The following SGSM3 variants were observed in gnomAD, a reference collection of about 807,000 sequenced individuals.
The protein encoded by SGSM3 is RUN and SH3 containing 3.
SGSM3 carries 96 observed loss-of-function variants against 100.5 expected under a neutral mutation model. The ratio of observed to expected loss-of-function variants is 0.96; its 90% confidence interval spans 0.81 to 1.13. The LOEUF is 1.13. SGSM3 is among the 50% of genes most tolerant of loss of function. The pLI, the probability that SGSM3 is intolerant of heterozygous loss-of-function variation, is 0.00. For missense variants in SGSM3, 1,001 were observed against 1,015.8 expected (o/e 0.99, Z 0.20); for synonymous variants, 483 against 422.8 (o/e 1.14, Z -1.75).
Position 40,409,692 on chromosome 22 carries a change from C to G in SGSM3, c.2183C>G (p.Pro728Arg). The change falls in exon 22 of 22, where the codon CCC becomes CGC. Residue 728 changes from proline to arginine, a missense_variant. Transcript: ENST00000248929. ...CTGCCCTGTTTGCAGGCGCAGCAGC[C>G]CCTGAAGGAGGGCGTCCGGGACATG... Reference protein sequence around the residue: ...ELPAKREAQQPLKEGVRDMLV... With the variant: ...ELPAKREAQQRLKEGVRDMLV... 6.2e-7 allele frequency: 1 copy of G among 1,613,368 alleles called. No individual in the cohort carries two copies. Among genetic ancestry groups the G allele is most frequent in the South Asian group, 1.1e-5 (1 of 91,060 alleles).
At chr22:40,396,003 AGGAGAAAAACCAG>A (rs574581024) in intron 1 of SGSM3, among the ~76,000 whole-genome samples, 1 of 152,340 alleles carries the variant, frequency 6.6e-6, no homozygotes, top group East Asian at 1.9e-4. Flanking sequence ...ATAGGCGCCA[AGGAGAAAAACCAG>A]GAAGAAAACC....
chr22:40,407,221 C>T lies in SGSM3; in HGVS notation c.1261C>T (p.Leu421Phe), dbSNP rs2051702623. The change falls in exon 12 of 22, where the codon CTC (leucine) becomes TTC (phenylalanine). Residue 421 changes from leucine to phenylalanine, a missense_variant. By Grantham distance (22) the Leu-to-Phe change is conservative. Coordinates refer to ENST00000248929, the MANE Select transcript of SGSM3 (RefSeq NM_015705.6). This position sits in a 1 kb window ranked among gnomAD's most constrained non-coding sequence, Gnocchi z 4.7. ...LLFGEDDLEA[L>F]KAKNIKQTEL... Reference sequence around the variant, plus strand: ...CCTAGGGGAGGATGACCTGGAGGCACTCAAGGCCAAGAACATCAAGCAGAC... The same window carrying T: ...CCTAGGGGAGGATGACCTGGAGGCATTCAAGGCCAAGAACATCAAGCAGAC... 3 of 1,613,548 alleles carry T rather than the reference C, an allele frequency of 1.9e-6. No individual in the cohort carries two copies. The highest frequency in any genetic ancestry group is 1.6e-4 in the Middle Eastern group (1 of 6,084).
rs183672849 is a variant in SGSM3, at chr22:40,400,962, T to C, written c.7+149T>C. On this transcript the variant is annotated intron_variant, in intron 2 of 21. Transcript: ENST00000248929. ...GGCTTCTGGCTGGCTGAGAAAGTTA[T>C]TAAAACTTCCTTCTCAGCTCTGCTC... is the stretch of plus-strand genomic sequence containing the variant. 62 of 757,726 alleles carry C rather than the reference T, an allele frequency of 8.2e-5. No homozygotes were observed. In the East Asian group the frequency reaches 1.8e-3, roughly 22 times the overall value. The allele number at this position is 757,726 out of a possible 1,614,324, so 46.9% of individuals were successfully genotyped here.
chr22:40,381,420 A>G (rs2047564960), intron 1 of SGSM3, among the ~76,000 whole-genome samples: 1 of 152,198 alleles, frequency 6.6e-6, no homozygotes, highest in Non-Finnish European at 1.5e-5. Flanking sequence ...AAGTGCTGGG[A>G]TAAGAGGAAT....
intron 1 of SGSM3, chr22:40,387,492 TA>T (rs1199728475): frequency 3.2e-6 from 1 of 313,264 alleles, no homozygotes; most frequent in Non-Finnish European, 5.8e-6. Flanking sequence ...TTAGGTGCCC[TA>T]ATCTCCTATG....
intron 1 of SGSM3, among the ~76,000 whole-genome samples, chr22:40,379,195 G>A (rs2047154622): frequency 6.6e-6 from 1 of 152,128 alleles, no homozygotes; most frequent in Non-Finnish European, 1.5e-5. Flanking sequence ...TCTATTTTGA[G>A]CACTTCTGTG....
At chr22:40,375,689 A>C (rs548520468) in intron 1 of SGSM3, among the ~76,000 whole-genome samples, 3 of 151,832 alleles carry the variant, frequency 2.0e-5, no homozygotes, top group Non-Finnish European at 2.9e-5. Flanking sequence ...CACTACAACA[A>C]AATTATGTGA....
intron 2 of SGSM3, 67 bp from the exon 3 acceptor site, chr22:40,401,526 G>A (rs181495063): frequency 4.0e-5 from 51 of 1,285,906 alleles, no homozygotes; most frequent in East Asian, 3.9e-4. Context: ...GATTACAGGC[G>A]TGAGCCACTG....
intron 1 of SGSM3, among the ~76,000 whole-genome samples, chr22:40,378,466 T>C (rs932854785): frequency 1.3e-5 from 2 of 151,914 alleles, no homozygotes; most frequent in African/African-American, 4.8e-5. Flanking sequence ...CGGTGGCTGA[T>C]GCCTGTCATC....
At chr22:40,400,572 G>A in intron 1 of SGSM3, 124 bp from the exon 2 acceptor site, 1 of 399,088 alleles carries the variant, frequency 2.5e-6, no homozygotes, top group Non-Finnish European at 4.6e-6. Context: ...GAACCCAGGA[G>A]GCAGAGGTTG....
chr22:40,377,143 G>A (rs2046764061), intron 1 of SGSM3, among the ~76,000 whole-genome samples: 1 of 152,168 alleles, frequency 6.6e-6, no homozygotes, highest in Non-Finnish European at 1.5e-5. Flanking sequence ...TCCAATCCAG[G>A]TTCTTCTGGG....
At chr22:40,406,780 A>C (rs1316182659) in intron 10 of SGSM3, 118 bp downstream of exon 10, 1 of 957,068 alleles carries the variant, frequency 1.0e-6, no homozygotes, top group Non-Finnish European at 1.6e-6. Flanking sequence ...TCTGCCCCCC[A>C]GCCTGGCCCA....
chr22:40,389,352 C>T (rs1569165041), intron 1 of SGSM3, among the ~76,000 whole-genome samples: 1 of 152,062 alleles, frequency 6.6e-6, no homozygotes, highest in African/African-American at 2.4e-5. Context: ...GTAATCCCAG[C>T]GCTTTGGGAG....
intron 1 of SGSM3, among the ~76,000 whole-genome samples, chr22:40,393,372 G>A (rs1267849802): frequency 1.3e-5 from 2 of 152,214 alleles, no homozygotes; most frequent in African/African-American, 4.8e-5. Flanking sequence ...CCTGCCTTGG[G>A]TCACCCAAAG....
In SGSM3 at chr22:40,407,514, C is replaced by T; in HGVS notation, c.1470C>T (p.Asp490=). 1 of 1,609,664 alleles carries T rather than the reference C, an allele frequency of 6.2e-7. No individual in the cohort carries two copies. Among genetic ancestry groups the T allele is most frequent in the Non-Finnish European group, 8.5e-7 (1 of 1,179,994 alleles). ...GGCGCCGAGCCAAGGCCCTGCTGGA[C>T]TTTGAGCGGCACGACGACGACGAGC... ...SHRRRAKALL[D]FERHDDDELG... Residue 490 remains aspartate, a synonymous_variant, in exon 13 of 22, where the codon GAC becomes GAT. Coordinates refer to ENST00000248929, the MANE Select transcript of SGSM3 (RefSeq NM_015705.6). This position sits in a 1 kb window ranked among gnomAD's most constrained non-coding sequence, Gnocchi z 4.7.
rs1159200943 is a variant in SGSM3 at position 40,406,233 on chromosome 22, G to A, written c.960+10G>A. The A allele has an allele frequency of 1.5e-5, 25 of 1,613,458 alleles. No individual in the cohort carries two copies. Among genetic ancestry groups the A allele is most frequent in the Non-Finnish European group, 1.9e-5 (22 of 1,179,980 alleles). ...CATGCTGCACCTCAAGGTGCTCCAC[G>A]GCCCCACTTCAGGCTGAGGAGTAGG... On this transcript the variant is annotated intron_variant, in intron 9 of 21. Transcript: ENST00000248929.
rs748099057 is a variant in SGSM3, at chr22:40,394,003, TTTCA to T, written c.-111-6690_-111-6687del. 2.6e-5 allele frequency among the ~76,000 whole-genome samples: 4 copies of T among 152,356 alleles called. No homozygotes were observed. The East Asian group carries it at 7.7e-4, about 29-fold the overall frequency. ...CAACACACTATTCGTTTTCCTTCTG[TTTCA>T]TTGGCCAGTTCCCAAATTTTGTTTC... On this transcript the variant is annotated intron_variant, in intron 1 of 21. Transcript: ENST00000248929.
intron 1 of SGSM3, among the ~76,000 whole-genome samples, chr22:40,374,111 C>T (rs2046103046): frequency 6.6e-6 from 1 of 151,932 alleles, no homozygotes; most frequent in South Asian, 2.1e-4. Flanking sequence ...TGCCACCATG[C>T]CCGGCTAATT....
At chr22:40,395,256 A>G (rs1460340333) in intron 1 of SGSM3, among the ~76,000 whole-genome samples, 2 of 152,162 alleles carry the variant, frequency 1.3e-5, no homozygotes, top group Non-Finnish European at 2.9e-5. Flanking sequence ...ACATAGATTT[A>G]TAGATGTAAT....
Sources: allele counts gnomAD v4.1 joint callset (sites outside exome capture counted in the v4.1 genomes callset), GRCh38; gene constraint gnomAD v4.1.1; non-coding constraint Gnocchi (gnomAD v3.1); transcripts MANE v1.5; gene names NCBI Gene and HGNC (gene_info 2026-07-23, HGNC 2026-07-21).